Variants in CIRBP observed in about 807,000 individuals in gnomAD.
CIRBP encodes cold-inducible RNA-binding protein.
Under a neutral mutation model 22.3 loss-of-function variants are expected in CIRBP, and 11 were observed. The ratio of observed to expected loss-of-function variants is 0.49; its 90% CI spans 0.31 to 0.82. CIRBP has a LOEUF of 0.82. Ranked by LOEUF, CIRBP falls within the 40% of genes least tolerant of loss-of-function variation. The pLI is 0.05. For synonymous variants in CIRBP, 216 were observed against 158.8 expected, an observed-to-expected ratio of 1.36 and a Z score of -2.71; for missense variants, 456 against 402.7, an observed-to-expected ratio of 1.13 and a Z score of -1.13.
rs772302756 is a variant in CIRBP, at chr19:1,272,009, C to G, written c.460C>G (p.Arg154Gly). 1.2e-6 allele frequency: 2 copies of G among 1,612,034 alleles called. No homozygotes were observed. The highest frequency in any genetic ancestry group is 8.5e-7 in the Non-Finnish European group (1 of 1,178,290). ...SRSQSGGYSD[R>G]SSGGSYRDSY... Reference sequence around the variant, plus strand: ...GAGTCAGAGTGGTGGCTACAGTGACCGGAGCTCGGGCGGGTCCTACAGAGA... The same window carrying G: ...GAGTCAGAGTGGTGGCTACAGTGACGGGAGCTCGGGCGGGTCCTACAGAGA... Residue 154 changes from arginine to glycine, a missense_variant, in exon 6 of 6, where the codon CGG becomes GGG. Physicochemically the swap from Arg to Gly is moderately radical, Grantham distance 125 (BLOSUM62 -2). This residue lies in a region of CIRBP where 426 missense variants were observed against 339.6 expected (regional missense o/e 1.25). Transcript: ENST00000587896.
rs192860791 is a variant in CIRBP at position 1,271,968 on chromosome 19, G to T, written c.432-13G>T. ...GGGTACCTTCCGGTACTCAACGTTTGTCTGTCTTGCAGCCGGAGTCAGAGT... is the reference window on the plus strand; with the variant it reads ...GGGTACCTTCCGGTACTCAACGTTTTTCTGTCTTGCAGCCGGAGTCAGAGT... On this transcript the variant is annotated splice_polypyrimidine_tract_variant and intron_variant, in intron 5 of 5. Coordinates refer to ENST00000587896, the MANE Select transcript of CIRBP (RefSeq NM_001300829.2). 1 of 1,601,404 alleles carries T rather than the reference G, an allele frequency of 6.2e-7. No individual in the cohort carries two copies.
At chr19:1,269,644 G>A (rs986541663) in intron 1 of CIRBP, among the ~76,000 whole-genome samples, 1 of 151,902 alleles carries the variant, frequency 6.6e-6, no homozygotes, top group Non-Finnish European at 1.5e-5. Flanking sequence ...TGGCGGCCGC[G>A]AGCTCGAGGC....
chr19:1,274,041 C>CTT lies in CIRBP; in HGVS notation c.*1600_*1601dup. On this transcript the variant is annotated 3_prime_UTR_variant, in exon 6 of 6. Coordinates refer to ENST00000587896, the MANE Select transcript of CIRBP (RefSeq NM_001300829.2). Reference sequence around the variant, plus strand: ...TCTTTAAGTCACACTCTTAACTTAGCTTTCTCTGATGTCTGTTGCCGCCAT... The same window carrying CTT: ...TCTTTAAGTCACACTCTTAACTTAGCTTTTTCTCTGATGTCTGTTGCCGCCAT... 1 of 339,702 alleles carries CTT rather than the reference C, an allele frequency of 2.9e-6. No individual in the cohort carries two copies. The highest frequency in any genetic ancestry group is 2.1e-5 in the African/African-American group (1 of 47,336). 21.0% of individuals were successfully genotyped at this position (339,702 alleles called of 1,614,324 possible).
In CIRBP at chr19:1,271,698, A is replaced by AGGTCCCT. The variant is rs1376167846; in HGVS notation, c.431+69_431+75dup. The AGGTCCCT allele has an allele frequency of 2.0e-5, 22 of 1,074,156 alleles. No homozygotes were observed. In the Admixed American group the frequency reaches 4.9e-4, roughly 24 times the overall value. 66.5% of individuals were successfully genotyped at this position (1,074,156 alleles called of 1,614,324 possible). A position where few individuals can be genotyped will look rare whatever the true frequency, so the allele number is the denominator to read the frequency against. ...ATGGCCAGCTTCCGTCCCGGGTCCC[A>AGGTCCCT]GGTCCCTGGGGGAGCTGAGATGAGA... On this transcript the variant is annotated intron_variant, in intron 5 of 5. Transcript: ENST00000587896.
Position 1,272,106 on chromosome 19 carries a change from T to A in CIRBP, c.557T>A (p.Phe186Tyr). 1 of 1,613,908 alleles carries A rather than the reference T, an allele frequency of 6.2e-7. No individual in the cohort carries two copies. The highest frequency in any genetic ancestry group is 8.5e-7 in the Non-Finnish European group (1 of 1,180,008). ...TLLWPAVGARFTLVPSPSTLG... is the reference protein window; with the variant it reads ...TLLWPAVGARYTLVPSPSTLG... The stretch of plus-strand genomic sequence containing the variant: ...CTGTGGCCTGCGGTGGGAGCTCGGT[T>A]CACCTTGGTGCCCTCTCCAAGCACT... The change falls in exon 6 of 6, where the codon TTC becomes TAC. Residue 186 changes from phenylalanine to tyrosine, a missense_variant. Coordinates refer to ENST00000587896, the MANE Select transcript of CIRBP (RefSeq NM_001300829.2).
chr19:1,272,405 T>C lies in CIRBP; in HGVS notation c.856T>C (p.Cys286Arg), dbSNP rs1181199886. The C allele has an allele frequency of 6.4e-7, 1 of 1,574,544 alleles. No individual in the cohort carries two copies. The highest frequency in any genetic ancestry group is 1.9e-5 in the Admixed American group (1 of 52,210). Residue 286 changes from cysteine to arginine, a missense_variant, in exon 6 of 6, where the codon TGT (cysteine) becomes CGT (arginine). Around this residue, in one of 2 missense-constraint regions of CIRBP, gnomAD observed 426 missense variants for 339.6 expected, o/e 1.25. Transcript: ENST00000587896. ...LPLVASVPLH[C>R]ACFLSSATHN... Reference sequence around the variant, plus strand: ...TCTTGTTGCTTCGGTGCCTTTACACTGTGCCTGCTTCTTGTCCTCAGCTAC... The same window carrying C: ...TCTTGTTGCTTCGGTGCCTTTACACCGTGCCTGCTTCTTGTCCTCAGCTAC...
At chr19:1,271,729 T>A in intron 5 of CIRBP, 97 bp downstream of exon 5, 1 of 848,552 alleles carries the variant, frequency 1.2e-6, no homozygotes, top group Non-Finnish European at 1.8e-6. Context: ...TGAGACTGGC[T>A]GGGCAAGGAG....
rs757760585 is a variant in CIRBP, at chr19:1,271,056, C to T, written c.103+20C>T. ...CTGAAGGTGAGGCTGCTGCTGGGCCCGCGGCCCTGGGCGGGGGGGCTTGTG... is the reference window on the plus strand; with the variant it reads ...CTGAAGGTGAGGCTGCTGCTGGGCCTGCGGCCCTGGGCGGGGGGGCTTGTG... On this transcript the variant is annotated intron_variant, in intron 2 of 5. Coordinates refer to ENST00000587896, the MANE Select transcript of CIRBP (RefSeq NM_001300829.2). 5.3e-5 allele frequency: 85 copies of T among 1,610,912 alleles called. No homozygotes were observed. Among genetic ancestry groups the T allele is most frequent in the South Asian group, 6.6e-5 (6 of 91,022 alleles).
At chr19:1,269,832 T>TA (rs1458457947) in intron 1 of CIRBP, 3 of 518,830 alleles carry the variant, frequency 5.8e-6, no homozygotes, top group African/African-American at 3.9e-5. Context: ...TACCGAGCCT[T>TA]AGTTTCCTCC....
chr19:1,274,654 G>A lies in CIRBP; in HGVS notation c.*2211G>A, dbSNP rs1380139294. 3 of 224,742 alleles carry A rather than the reference G, an allele frequency of 1.3e-5. No homozygotes were observed. Among genetic ancestry groups the A allele is most frequent in the African/African-American group, 2.3e-5 (1 of 44,036 alleles). 13.9% of individuals were successfully genotyped at this position (224,742 alleles called of 1,614,324 possible). On this transcript the variant is annotated 3_prime_UTR_variant, in exon 6 of 6. Transcript: ENST00000587896. ...TCCCTTCCTCCTCCTTCCAGGAGGC[G>A]CTTCGCCAGTGAGGTGCGGGCTCAG...
At chr19:1,274,866 G>A (rs1235702156), downstream of CIRBP, 1 of 152,638 alleles carries the variant, frequency 6.6e-6, no homozygotes, top group South Asian at 2.1e-4. Context: ...TGGAAGAAAA[G>A]CCTGCGGACC....
chr19:1,274,402 G>A lies in CIRBP; in HGVS notation c.*1959G>A. 1 of 400,744 alleles carries A rather than the reference G, an allele frequency of 2.5e-6. No homozygotes were observed. Among genetic ancestry groups the A allele is most frequent in the East Asian group, 3.6e-5 (1 of 28,066 alleles). 24.8% of individuals were successfully genotyped at this position (400,744 alleles called of 1,614,324 possible). A position where few individuals can be genotyped will look rare whatever the true frequency, so the allele number is the denominator to read the frequency against. ...CCAGGAGGGACTTCACCTGGAACAA[G>A]AGCTGGAGGCAGCCGCTTGCCCAGG... On this transcript the variant is annotated 3_prime_UTR_variant, in exon 6 of 6. Coordinates refer to ENST00000587896, the MANE Select transcript of CIRBP (RefSeq NM_001300829.2).
chr19:1,274,051 T>C lies in CIRBP; in HGVS notation c.*1608T>C, dbSNP rs2081384127. On this transcript the variant is annotated 3_prime_UTR_variant, in exon 6 of 6. Transcript: ENST00000587896. ...ACACTCTTAACTTAGCTTTCTCTGA[T>C]GTCTGTTGCCGCCATTAGTTTTTTT... The C allele has an allele frequency of 2.8e-6, 1 of 356,070 alleles. No homozygotes were observed. The highest frequency in any genetic ancestry group is 4.7e-5 in the Admixed American group (1 of 21,320). 22.1% of individuals were successfully genotyped at this position (356,070 alleles called of 1,614,324 possible).
chr19:1,270,035 G>A (rs1367918582), intron 1 of CIRBP: 2 of 519,796 alleles, frequency 3.8e-6, no homozygotes, highest in African/African-American at 1.9e-5. Context: ...TTCCCAGCCA[G>A]TGAATGCTTT....
intron 1 of CIRBP, chr19:1,270,158 C>T (rs377732735): frequency 1.8e-5 from 9 of 510,504 alleles, no homozygotes; most frequent in African/African-American, 1.7e-4. Context: ...CGATTCCCGG[C>T]CTAGGTCCTG....
intron 1 of CIRBP, among the ~76,000 whole-genome samples, chr19:1,270,426 G>A (rs1217755041): frequency 6.6e-6 from 1 of 152,152 alleles, no homozygotes; most frequent in Non-Finnish European, 1.5e-5. Context: ...AAATGGGTGC[G>A]GCCTGCCTTC....
chr19:1,270,281 C>T, intron 1 of CIRBP: 1 of 366,958 alleles, frequency 2.7e-6, no homozygotes, highest in Non-Finnish European at 5.5e-6. Flanking sequence ...GAAGCACGTT[C>T]TGGTCCAGCA....
chr19:1,270,787 A>G, intron 1 of CIRBP, 141 bp from the exon 2 acceptor site: 3 of 709,138 alleles, frequency 4.2e-6, no homozygotes, highest in Non-Finnish European at 7.4e-6. Flanking sequence ...AGTCCTAGGT[A>G]TGAGTTTGAG....
Position 1,273,872 on chromosome 19 carries a change from C to A in CIRBP, c.*1429C>A. On this transcript the variant is annotated 3_prime_UTR_variant, in exon 6 of 6. Coordinates refer to ENST00000587896, the MANE Select transcript of CIRBP (RefSeq NM_001300829.2). ...AAGCTGGAACTAAAGTCAGGCCCAG[C>A]CATTACGCTCCCCACGTGCAGCCAG... 1 of 164,488 alleles carries A rather than the reference C, an allele frequency of 6.1e-6. No individual in the cohort carries two copies. Among genetic ancestry groups the A allele is most frequent in the Non-Finnish European group, 1.3e-5 (1 of 76,642 alleles). The allele number at this position is 164,488 out of a possible 1,614,324, so 10.2% of individuals were successfully genotyped here.
Sources: allele counts gnomAD v4.1 joint callset (sites outside exome capture counted in the v4.1 genomes callset), GRCh38; gene constraint gnomAD v4.1.1; regional missense constraint gnomAD v4.1.1; transcripts MANE v1.5; gene names NCBI Gene and HGNC (gene_info 2026-07-23, HGNC 2026-07-21).